Variants in SEMA3E observed in about 807,000 individuals in gnomAD.
The protein encoded by SEMA3E is semaphorin-3E.
Under a neutral mutation model 93.6 loss-of-function variants are expected in SEMA3E, and 49 were observed. That is an observed-to-expected ratio of 0.52 (90% confidence interval 0.42 to 0.66). The LOEUF is 0.66. SEMA3E is among the 30% of genes least tolerant of loss of function. The probability of loss-of-function intolerance (pLI) is 0.00; values close to 1 mark genes in which losing one functional copy is unlikely to be tolerated. For missense variants in SEMA3E, 906 were observed against 964.8 expected, an observed-to-expected ratio of 0.94 and a Z score of 0.81; for synonymous variants, 363 against 330.7, an observed-to-expected ratio of 1.10 and a Z score of -1.06.
In SEMA3E at chr7:83,495,037, T is replaced by G. The variant is rs145298914; in HGVS notation, c.116-4763A>C. On this transcript the variant is annotated intron_variant, in intron 1 of 16. Transcript: ENST00000643230. ...AGCATGTTTCAATTCCATAGCAAAC[T>G]TAGCCAGTCTGTCTTTATCCATGAA... Among the ~76,000 whole-genome samples, 25 of 152,056 alleles carry G rather than the reference T, an allele frequency of 1.6e-4. 2 individuals are homozygous for G. The East Asian group carries it at 4.8e-3, about 29-fold the overall frequency.
rs769258588 is a variant in SEMA3E, at chr7:83,400,174, C to T, written c.1220G>A (p.Ser407Asn). The change falls in exon 11 of 17, where the codon AGT (serine) becomes AAT (asparagine). Residue 407 changes from serine to asparagine, a missense_variant. Ser to Asn is a conservative substitution (Grantham distance 46). Transcript: ENST00000643230. ...TATGGCCTGGTACATTAGTGGATGA[C>T]TTCTTGCAAATCGGATGGCATCATC... is the stretch of plus-strand genomic sequence containing the variant. ...YPDDAIRFAR[S>N]HPLMYQAIKP... 15 of 1,613,932 alleles carry T rather than the reference C, an allele frequency of 9.3e-6. No individual in the cohort carries two copies. The highest frequency in any genetic ancestry group is 1.3e-5 in the Non-Finnish European group (15 of 1,179,938).
chr7:83,426,236 A>G (rs1205002013), intron 4 of SEMA3E, among the ~76,000 whole-genome samples: 1 of 152,164 alleles, frequency 6.6e-6, no homozygotes, highest in Admixed American at 6.6e-5. Context: ...TATATGCCCA[A>G]AGGAAAATAA....
intron 16 of SEMA3E, among the ~76,000 whole-genome samples, chr7:83,383,880 T>A (rs1319011247): frequency 6.6e-5 from 10 of 152,008 alleles, no homozygotes; most frequent in African/African-American, 2.4e-4. Flanking sequence ...TGGAAGATTA[T>A]CAGGTCCTTT....
intron 16 of SEMA3E, among the ~76,000 whole-genome samples, chr7:83,379,620 A>T (rs532922364): frequency 3.3e-5 from 5 of 151,590 alleles, no homozygotes; most frequent in East Asian, 1.9e-4. Context: ...TTTTTATTTC[A>T]TCACTCTCTA....
At chr7:83,597,671 C>A (rs561395660) in intron 1 of SEMA3E, among the ~76,000 whole-genome samples, 1 of 152,096 alleles carries the variant, frequency 6.6e-6, no homozygotes, top group African/African-American at 2.4e-5. Context: ...ATAGATTCAG[C>A]GTGTATAAAT....
intron 16 of SEMA3E, chr7:83,372,013 G>C (rs1371060792): frequency 1.1e-5 from 4 of 349,822 alleles, no homozygotes; most frequent in Non-Finnish European, 2.0e-5. Flanking sequence ...AGTTTTTAAA[G>C]GGCAAAGACC....
intron 4 of SEMA3E, among the ~76,000 whole-genome samples, chr7:83,441,845 G>A (rs1023653994): frequency 1.3e-5 from 2 of 152,160 alleles, no homozygotes; most frequent in Non-Finnish European, 2.9e-5. Flanking sequence ...AGAGGAAAAG[G>A]TCTGCAAGAC....
chr7:83,439,486 GTTGT>G (rs1309600945), intron 4 of SEMA3E, among the ~76,000 whole-genome samples: 1 of 152,168 alleles, frequency 6.6e-6, no homozygotes, highest in Non-Finnish European at 1.5e-5. Flanking sequence ...GGGCTTTTTG[GTTGT>G]TTCTCAGGGA....
chr7:83,397,081 GAA>G (rs10711531), intron 11 of SEMA3E, among the ~76,000 whole-genome samples: 108 of 133,676 alleles, frequency 8.1e-4, no homozygotes, highest in Admixed American at 1.2e-3. Flanking sequence ...CTTCATCTAA[GAA>G]AAAAAAAAAA....
chr7:83,466,996 CAT>C (rs1562795066), intron 3 of SEMA3E, among the ~76,000 whole-genome samples: 1 of 150,276 alleles, frequency 6.7e-6, no homozygotes, highest in Admixed American at 6.6e-5. Context: ...AATGAATCAG[CAT>C]AAAGTCATTA....
chr7:83,580,943 A>C (rs1343903020), intron 1 of SEMA3E, among the ~76,000 whole-genome samples: 3 of 151,960 alleles, frequency 2.0e-5, no homozygotes. Flanking sequence ...GATCTTTATT[A>C]TTGCAGTTCA....
chr7:83,381,126 T>TGTATG (rs1787769098), intron 16 of SEMA3E, among the ~76,000 whole-genome samples: 1 of 152,000 alleles, frequency 6.6e-6, no homozygotes, highest in Non-Finnish European at 1.5e-5. Context: ...AGTGATCTTT[T>TGTATG]TAAATACAAA....
At chr7:83,385,666 C>G (rs1321400612) in intron 15 of SEMA3E, among the ~76,000 whole-genome samples, 1 of 151,866 alleles carries the variant, frequency 6.6e-6, no homozygotes, top group Non-Finnish European at 1.5e-5. Context: ...GAGTCTGGTT[C>G]CAAAGGATGG....
chr7:83,517,694 G>GA (rs1393224526), intron 1 of SEMA3E, among the ~76,000 whole-genome samples: 1 of 152,054 alleles, frequency 6.6e-6, no homozygotes, highest in Admixed American at 6.6e-5. Flanking sequence ...AAAGGAAAAA[G>GA]AAAAATAGGG....
intron 1 of SEMA3E, among the ~76,000 whole-genome samples, chr7:83,555,562 C>T (rs2115817510): frequency 6.6e-6 from 1 of 152,228 alleles, no homozygotes; most frequent in South Asian, 2.1e-4. Context: ...TCCATGTCTA[C>T]AATGAGGCTT....
chr7:83,508,206 A>G (rs1790742976), intron 1 of SEMA3E, among the ~76,000 whole-genome samples: 1 of 152,056 alleles, frequency 6.6e-6, no homozygotes, highest in Non-Finnish European at 1.5e-5. Context: ...TAGTGTGAAC[A>G]TTCCTGAATA....
chr7:83,431,582 G>A (rs1016876889), intron 4 of SEMA3E, among the ~76,000 whole-genome samples: 1 of 152,022 alleles, frequency 6.6e-6, no homozygotes, highest in African/African-American at 2.4e-5. Context: ...TTTTGTACTT[G>A]CAGTAGAGAC....
At chr7:83,495,593 T>C (rs879281176) in intron 1 of SEMA3E, among the ~76,000 whole-genome samples, 5 of 151,854 alleles carry the variant, frequency 3.3e-5, no homozygotes, top group Non-Finnish European at 5.9e-5. Context: ...ATAGCACGTA[T>C]GGAAACAAAT....
intron 1 of SEMA3E, among the ~76,000 whole-genome samples, chr7:83,592,098 C>T (rs1354413540): frequency 6.6e-6 from 1 of 151,872 alleles, no homozygotes; most frequent in Non-Finnish European, 1.5e-5. Context: ...AATATTTTAA[C>T]AGTTTATGGA....
Sources: allele counts gnomAD v4.1 joint callset (sites outside exome capture counted in the v4.1 genomes callset), GRCh38; gene constraint gnomAD v4.1.1; transcripts MANE v1.5; gene names NCBI Gene and HGNC (gene_info 2026-07-23, HGNC 2026-07-21).